Variants in MRAP2 observed in about 807,000 individuals in gnomAD.
MRAP2 encodes melanocortin 2 receptor accessory protein 2.
Under a neutral mutation model 17.4 loss-of-function variants are expected in MRAP2, and 20 were observed. That is an observed-to-expected ratio of 1.15 (90% CI 0.81 to 1.67). The LOEUF is 1.67. Among genes scored for constraint, MRAP2 ranks in the 40% most tolerant of loss-of-function variants. The probability of loss-of-function intolerance (pLI) is 0.00; values close to 1 mark genes in which losing one functional copy is unlikely to be tolerated. For missense variants in MRAP2, 238 were observed against 240.0 expected, an observed-to-expected ratio of 0.99 and a Z score of 0.05; for synonymous variants, 96 against 88.4, an observed-to-expected ratio of 1.09 and a Z score of -0.48.
intron 3 of MRAP2, among the ~76,000 whole-genome samples, chr6:84,069,111 C>T (rs1015607532): frequency 1.3e-5 from 2 of 151,944 alleles, no homozygotes; most frequent in African/African-American, 4.8e-5. Context: ...TGTCTGATTG[C>T]TCTGGCTAGG....
chr6:84,094,862 A>AT (rs2099502399), downstream of MRAP2, among the ~76,000 whole-genome samples: 1 of 151,766 alleles, frequency 6.6e-6, no homozygotes, highest in South Asian at 2.1e-4. Flanking sequence ...TGGCCAGATA[A>AT]TTTTTTTTCT....
At chr6:84,095,217 C>T, downstream of MRAP2, among the ~76,000 whole-genome samples, 1 of 152,160 alleles carries the variant, frequency 6.6e-6, no homozygotes. Flanking sequence ...CTGGCCTTTA[C>T]CTCAGAAGGA....
the MRAP2 span, among the ~76,000 whole-genome samples, chr6:84,111,813 A>C: frequency 6.6e-6 from 1 of 152,154 alleles, no homozygotes; most frequent in Non-Finnish European, 1.5e-5. Context: ...TTTAGCATGA[A>C]GGGCTGTTGA....
chr6:84,143,926 T>A, the MRAP2 span, among the ~76,000 whole-genome samples: 2 of 152,018 alleles, frequency 1.3e-5, no homozygotes, highest in Non-Finnish European at 2.9e-5. Flanking sequence ...GTTCTTTGAT[T>A]ACTTAGGAAA....
At chr6:84,114,651 G>A in the MRAP2 span, among the ~76,000 whole-genome samples, 1 of 152,112 alleles carries the variant, frequency 6.6e-6, no homozygotes, top group Non-Finnish European at 1.5e-5. Context: ...TGGAGAAGAG[G>A]CATTCTGGTT....
At chr6:84,116,321 G>A in the MRAP2 span, among the ~76,000 whole-genome samples, 2 of 152,072 alleles carry the variant, frequency 1.3e-5, no homozygotes, top group African/African-American at 4.8e-5. Context: ...TTCCAGTGCT[G>A]TTATCGTGAT....
At chr6:84,061,519 T>C (rs1486789089) in intron 2 of MRAP2, among the ~76,000 whole-genome samples, 1 of 152,186 alleles carries the variant, frequency 6.6e-6, no homozygotes, top group Non-Finnish European at 1.5e-5. Context: ...AAAATGTTAT[T>C]GGGTTCAAAG....
At chr6:84,132,509 T>C in the MRAP2 span, among the ~76,000 whole-genome samples, 1 of 152,222 alleles carries the variant, frequency 6.6e-6, no homozygotes, top group Non-Finnish European at 1.5e-5. Context: ...TCTTTTCACA[T>C]AGTCCCATAT....
At chr6:84,106,590 C>G in the MRAP2 span, among the ~76,000 whole-genome samples, 1 of 152,302 alleles carries the variant, frequency 6.6e-6, no homozygotes, top group African/African-American at 2.4e-5. Flanking sequence ...CTGCATATTA[C>G]AGAATTATCT....
chr6:84,076,104 C>T (rs770056265), intron 3 of MRAP2, among the ~76,000 whole-genome samples: 14 of 152,022 alleles, frequency 9.2e-5, no homozygotes, highest in Non-Finnish European at 1.8e-4. Flanking sequence ...CTCTGTCACC[C>T]AGGTGGCAGT....
At chr6:84,120,430 T>C in the MRAP2 span, among the ~76,000 whole-genome samples, 10 of 152,238 alleles carry the variant, frequency 6.6e-5, no homozygotes, top group African/African-American at 2.4e-4. Context: ...CTTCTGGAGC[T>C]TGAATCTTTA....
the MRAP2 span, among the ~76,000 whole-genome samples, chr6:84,106,736 T>C: frequency 6.6e-6 from 1 of 152,186 alleles, no homozygotes; most frequent in Non-Finnish European, 1.5e-5. Context: ...CACCTCTTCA[T>C]GTAACATACT....
chr6:84,036,371 C>G (rs935561010), intron 1 of MRAP2, among the ~76,000 whole-genome samples: 2 of 152,136 alleles, frequency 1.3e-5, no homozygotes, highest in Non-Finnish European at 2.9e-5. Flanking sequence ...GATGGTGTAT[C>G]TGAAATTGGT....
chr6:84,088,851 G>C (rs1027224516), intron 3 of MRAP2, among the ~76,000 whole-genome samples: 4 of 152,170 alleles, frequency 2.6e-5, no homozygotes, highest in African/African-American at 9.7e-5. Flanking sequence ...CCTCAGCAAG[G>C]TGTCTGTTTT....
rs576295756 is a variant in MRAP2, at chr6:84,074,070, G to A, written c.227+11078G>A. ...AAAGCTGGGCTCAGAGCATCCCTCAGTAAAGATGAGTCACTGTGTGAGCTG... is the reference window on the plus strand; with the variant it reads ...AAAGCTGGGCTCAGAGCATCCCTCAATAAAGATGAGTCACTGTGTGAGCTG... On this transcript the variant is annotated intron_variant, in intron 3 of 3. Coordinates refer to ENST00000257776, the MANE Select transcript of MRAP2 (RefSeq NM_138409.4). Among the ~76,000 whole-genome samples the A allele has an allele frequency of 7.9e-5, 12 of 152,246 alleles. No homozygotes were observed. In the East Asian group the frequency reaches 2.1e-3, roughly 27 times the overall value.
the MRAP2 span, among the ~76,000 whole-genome samples, chr6:84,112,784 G>T: frequency 6.6e-6 from 1 of 152,148 alleles, no homozygotes; most frequent in Non-Finnish European, 1.5e-5. Context: ...GTGTCCCAGA[G>T]ATTCTGGTAC....
At chr6:84,060,328 T>A (rs929726699) in intron 2 of MRAP2, among the ~76,000 whole-genome samples, 3 of 151,802 alleles carry the variant, frequency 2.0e-5, no homozygotes. Flanking sequence ...TCCCTGGGGG[T>A]ACTTAGAAGG....
Position 84,089,706 on chromosome 6 carries a change from G to A in MRAP2, c.*225G>A, listed in dbSNP as rs1428730538. Reference sequence around the variant, plus strand: ...TTTTAATACATTTGGAGCTTTGGGAGTATTAAAGTATTTACACCAAGCTTG... The same window carrying A: ...TTTTAATACATTTGGAGCTTTGGGAATATTAAAGTATTTACACCAAGCTTG... On this transcript the variant is annotated 3_prime_UTR_variant, in exon 4 of 4. Coordinates refer to ENST00000257776, the MANE Select transcript of MRAP2 (RefSeq NM_138409.4). 8.0e-6 allele frequency: 4 copies of A among 502,278 alleles called. No individual in the cohort carries two copies. Among genetic ancestry groups the A allele is most frequent in the East Asian group, 6.0e-5 (2 of 33,066 alleles). 31.1% of individuals were successfully genotyped at this position (502,278 alleles called of 1,614,324 possible).
the MRAP2 span, among the ~76,000 whole-genome samples, chr6:84,096,111 C>G: frequency 6.6e-6 from 1 of 152,214 alleles, no homozygotes; most frequent in South Asian, 2.1e-4. Context: ...TTTTCTTCCT[C>G]ATGTTTTGCC....
Sources: gnomAD v4.1 joint callset for allele counts (sites outside exome capture counted in the v4.1 genomes callset) on GRCh38, gnomAD v4.1.1 for gene constraint, MANE v1.5 for transcripts, NCBI Gene and HGNC (gene_info 2026-07-23, HGNC 2026-07-21) for gene names.